The following CDH3 variants were observed in gnomAD, a reference collection of about 807,000 sequenced individuals.
CDH3 encodes the protein cadherin 3.
CDH3 carries 54 observed loss-of-function variants against 82.0 expected under a neutral mutation model. The ratio of observed to expected loss-of-function variants is 0.66; its 90% CI spans 0.53 to 0.83. The LOEUF is 0.83. CDH3 is among the 40% of genes least tolerant of loss of function. The pLI is 0.00. For synonymous variants in CDH3, 446 were observed against 437.9 expected (o/e 1.02, Z -0.23); for missense variants, 1,054 against 1,084.6 (o/e 0.97, Z 0.40).
chr16:68,685,408 A>G, intron 11 of CDH3, 58 bp downstream of exon 11: 1 of 1,562,834 alleles, frequency 6.4e-7, no homozygotes, highest in Non-Finnish European at 8.8e-7. Context: ...AGGTCACATG[A>G]CACAGCACAG....
rs1330749913 is a variant in CDH3, at chr16:68,695,243, C to G, written c.2003-12C>G. The G allele has an allele frequency of 6.2e-7, 1 of 1,614,098 alleles. No individual in the cohort carries two copies. Among genetic ancestry groups the G allele is most frequent in the East Asian group, 2.2e-5 (1 of 44,880 alleles). ...TTACAGAGGGAGCACTCACACTCCC[C>G]AACCCTTGCAGTCCTCCTGCTGGTG... On this transcript the variant is annotated splice_polypyrimidine_tract_variant and intron_variant, in intron 13 of 15. Transcript: ENST00000264012.
At chr16:68,656,245 T>A (rs1019577025) in intron 2 of CDH3, among the ~76,000 whole-genome samples, 3 of 152,156 alleles carry the variant, frequency 2.0e-5, no homozygotes, top group Non-Finnish European at 2.9e-5. Flanking sequence ...GTTGTACCAG[T>A]ATGGAGGCCA....
intron 14 of CDH3, among the ~76,000 whole-genome samples, 168 bp from the exon 15 acceptor site, chr16:68,695,609 G>A (rs929021074): frequency 6.6e-6 from 1 of 152,228 alleles, no homozygotes; most frequent in Non-Finnish European, 1.5e-5. Context: ...GCTAGGACAA[G>A]GGAGGATGGA....
rs556042892 is a variant in CDH3 at position 68,685,259 on chromosome 16, G to A, written c.1479G>A (p.Gly493=). The change falls in exon 11 of 16, where the codon GGG becomes GGA. Residue 493 remains glycine (G), a synonymous_variant. Transcript: ENST00000264012. ...GGCTAGCCATGGACCCAGACAGTGG[G>A]CAGGTCACAGCTGTGGGCACCCTCG... The part of the protein sequence containing the change: ...AGWLAMDPDS[G]QVTAVGTLDR... 7.4e-6 allele frequency: 12 copies of A among 1,614,122 alleles called. No homozygotes were observed. The highest frequency in any genetic ancestry group is 5.3e-5 in the African/African-American group (4 of 75,038).
Position 68,695,299 on chromosome 16 carries a change from A to C in CDH3, c.2047A>C (p.Ile683Leu). The C allele has an allele frequency of 6.2e-7, 1 of 1,614,082 alleles. No homozygotes were observed. The highest frequency in any genetic ancestry group is 8.5e-7 in the Non-Finnish European group (1 of 1,180,008). Residue 683 changes from isoleucine to leucine, a missense_variant, in exon 14 of 16, where the codon ATC becomes CTC. Ile to Leu is a conservative substitution (Grantham distance 5, BLOSUM62 2). Coordinates refer to ENST00000264012, the MANE Select transcript of CDH3 (RefSeq NM_001793.6). The part of the protein sequence containing the change: ...LLLLVRKKRK[I>L]KEPLLLPEDD... ...TTTGTTGGTGAGAAAGAAGCGGAAG[A>C]TCAAGGAGCCCCTCCTACTCCCAGA...
intron 2 of CDH3, among the ~76,000 whole-genome samples, chr16:68,650,450 C>T (rs556858667): frequency 3.4e-4 from 52 of 152,120 alleles, no homozygotes; most frequent in African/African-American, 1.2e-3. Flanking sequence ...TACAGGCATG[C>T]GCCACAACGC....
chr16:68,704,401 G>A (rs1961935525), downstream of CDH3, among the ~76,000 whole-genome samples: 1 of 152,202 alleles, frequency 6.6e-6, no homozygotes, highest in South Asian at 2.1e-4. Flanking sequence ...AGGCCTGCTA[G>A]CGCTCCCTTG....
chr16:68,731,303 T>G (rs1421415746), downstream of CDH3, among the ~76,000 whole-genome samples: 1 of 116,040 alleles, frequency 8.6e-6, no homozygotes, highest in Non-Finnish European at 1.7e-5. Flanking sequence ...GAGGTTGCAG[T>G]GAGCCGAGAT....
chr16:68,680,080 C>A, intron 7 of CDH3, 106 bp downstream of exon 7: 1 of 1,091,774 alleles, frequency 9.2e-7, no homozygotes. Flanking sequence ...CAAGGCAGAA[C>A]AGTGAGGACC....
At chr16:68,665,000 C>G (rs1212645223) in intron 2 of CDH3, among the ~76,000 whole-genome samples, 2 of 152,126 alleles carry the variant, frequency 1.3e-5, no homozygotes, top group Admixed American at 1.3e-4. Context: ...GGCAGTTGAT[C>G]CTATTTTTAA....
At chr16:68,710,626 G>A (rs7202944) in intron 1 of CDH3, among the ~76,000 whole-genome samples, 7,208 of 152,062 alleles carry the variant, frequency 0.047, 381 homozygotes, top group African/African-American at 0.13. Flanking sequence ...GGAAGGCCGA[G>A]GCAGGCGGAT....
intron 12 of CDH3, among the ~76,000 whole-genome samples, chr16:68,691,376 T>C (rs1961569748): frequency 6.6e-6 from 1 of 152,306 alleles, no homozygotes; most frequent in Non-Finnish European, 1.5e-5. Flanking sequence ...AGGAAGAATA[T>C]TCTTTTTGAA....
chr16:68,721,042 C>G (rs202224783), intron 1 of CDH3, among the ~76,000 whole-genome samples: 1 of 152,042 alleles, frequency 6.6e-6, no homozygotes, highest in African/African-American at 2.4e-5. Context: ...AACCTAGGTG[C>G]GCAGAGGTTT....
chr16:68,697,460 G>A (rs1961763499), intron 15 of CDH3, among the ~76,000 whole-genome samples: 1 of 152,200 alleles, frequency 6.6e-6, no homozygotes, highest in Non-Finnish European at 1.5e-5. Flanking sequence ...TGGAGCCTCT[G>A]CTGTAGAAGA....
In CDH3 at chr16:68,685,265, C is replaced by T; in HGVS notation, c.1485C>T (p.Val495=). 6.2e-7 allele frequency: 1 copy of T among 1,614,110 alleles called. No individual in the cohort carries two copies. The highest frequency in any genetic ancestry group is 8.5e-7 in the Non-Finnish European group (1 of 1,180,012). Residue 495 remains valine, a synonymous_variant, in exon 11 of 16, where the codon GTC becomes GTT. Transcript: ENST00000264012. ...WLAMDPDSGQ[V]TAVGTLDRED... ...CCATGGACCCAGACAGTGGGCAGGT[C>T]ACAGCTGTGGGCACCCTCGACCGTG...
rs1405474004 is a variant in CDH3 at position 68,707,656 on chromosome 16, A to G, written c.99+11733A>G. Among the ~76,000 whole-genome samples, 1 of 152,136 alleles carries G rather than the reference A, an allele frequency of 6.6e-6. No individual in the cohort carries two copies. Among genetic ancestry groups the G allele is most frequent in the Admixed American group, 6.5e-5 (1 of 15,274 alleles). On this transcript the variant is annotated intron_variant, in intron 1 of 2. Transcript: ENST00000569080. This position sits in a 1 kb window ranked among gnomAD's most constrained non-coding sequence, Gnocchi z 4.5. ...CTCAGTGGGCTGAAAGGAGACCCCT[A>G]GGAGGCGATGGTGGAAAAGCACTCA...
intron 15 of CDH3, 85 bp downstream of exon 15, chr16:68,696,008 CTT>C: frequency 6.8e-7 from 1 of 1,463,340 alleles, no homozygotes; most frequent in Non-Finnish European, 9.4e-7. Context: ...GGCCTGGAGT[CTT>C]GGGTCTGGGT....
At chr16:68,682,753 G>A (rs1339170091) in intron 9 of CDH3, among the ~76,000 whole-genome samples, 1 of 152,150 alleles carries the variant, frequency 6.6e-6, no homozygotes, top group Non-Finnish European at 1.5e-5. Context: ...GTGTCCAATG[G>A]CTGCCCCGAA....
At chr16:68,646,053 TGGCCCCAGCAGAGGAATGCGCC>T (rs1234616787) in intron 2 of CDH3, 9 of 436,808 alleles carry the variant, frequency 2.1e-5, no homozygotes, top group Admixed American at 1.1e-4. Flanking sequence ...TCTCCCCCGC[TGGCCCCAGCAGAGGAATGCGCC>T]GGCCACATTC....
Sources: allele counts gnomAD v4.1 joint callset (sites outside exome capture counted in the v4.1 genomes callset), GRCh38; gene constraint gnomAD v4.1.1; non-coding constraint Gnocchi (gnomAD v3.1); transcripts MANE v1.5; gene names NCBI Gene and HGNC (gene_info 2026-07-23, HGNC 2026-07-21).